The following SNTG1 variants were observed in gnomAD, a reference collection of about 807,000 sequenced individuals.
SNTG1 encodes gamma-1-syntrophin.
Under a neutral mutation model 74.7 loss-of-function variants are expected in SNTG1, and 39 were observed. The observed-to-expected ratio is 0.52, with a 90% confidence interval of 0.40 to 0.68. The LOEUF (loss-of-function observed/expected upper bound fraction) is 0.68, where lower values mean the gene tolerates loss of function less well. Among genes scored for constraint, SNTG1 ranks in the 30% least tolerant of loss-of-function variants. SNTG1 has a pLI of 0.00. For synonymous variants in SNTG1, 254 were observed against 217.1 expected (o/e 1.17, Z -1.49); for missense variants, 685 against 609.5 (o/e 1.12, Z -1.30).
intron 5 of SNTG1, 27 bp from the exon 6 acceptor site, chr8:50,449,641 G>A (rs567921571): frequency 1.3e-6 from 2 of 1,557,076 alleles, no homozygotes; most frequent in African/African-American, 2.7e-5. Flanking sequence ...AGATTAAAAA[G>A]TACAATATAT....
chr8:50,706,174 T>G (rs1273167059), intron 16 of SNTG1, among the ~76,000 whole-genome samples: 1 of 152,180 alleles, frequency 6.6e-6, no homozygotes, highest in Non-Finnish European at 1.5e-5. Context: ...AGTTGACTCT[T>G]TTCAATAACT....
At chr8:50,102,680 T>C (rs2131244434) in intron 1 of SNTG1, among the ~76,000 whole-genome samples, 1 of 150,756 alleles carries the variant, frequency 6.6e-6, no homozygotes, top group South Asian at 2.1e-4. Context: ...TTCTAGGGTT[T>C]TTATGGTTTT....
At chr8:50,433,418 A>G (rs1238878532) in intron 4 of SNTG1, among the ~76,000 whole-genome samples, 4 of 151,794 alleles carry the variant, frequency 2.6e-5, no homozygotes, top group African/African-American at 7.3e-5. Flanking sequence ...CTTATTCCCA[A>G]TCTTGCAGGG....
intron 1 of SNTG1, among the ~76,000 whole-genome samples, chr8:50,049,703 G>A (rs751513002): frequency 5.9e-5 from 9 of 151,898 alleles, no homozygotes; most frequent in Admixed American, 3.9e-4. Flanking sequence ...GACTACATTC[G>A]GGGCCATAAA....
At chr8:50,489,535 A>C (rs1033766482) in intron 8 of SNTG1, among the ~76,000 whole-genome samples, 7 of 152,164 alleles carry the variant, frequency 4.6e-5, no homozygotes, top group African/African-American at 1.7e-4. Context: ...AGTGATGATG[A>C]GCTTTTCTCA....
At chr8:50,642,505 A>G (rs960729778) in intron 13 of SNTG1, among the ~76,000 whole-genome samples, 2 of 151,790 alleles carry the variant, frequency 1.3e-5, no homozygotes, top group African/African-American at 2.4e-5. Flanking sequence ...ATTATCAACT[A>G]CTCTCTTCAA....
chr8:49,939,371 T>C (rs1373529470), intron 1 of SNTG1, among the ~76,000 whole-genome samples: 1 of 152,220 alleles, frequency 6.6e-6, no homozygotes, highest in East Asian at 1.9e-4. Flanking sequence ...TGCCAATAAA[T>C]AGTTTAATTG....
chr8:49,973,193 A>G (rs2129989409), intron 1 of SNTG1, among the ~76,000 whole-genome samples: 1 of 152,256 alleles, frequency 6.6e-6, no homozygotes, highest in South Asian at 2.1e-4. Flanking sequence ...CATAAAAAAG[A>G]TGAGTTCATG....
chr8:50,291,310 A>G (rs757052660), intron 2 of SNTG1, among the ~76,000 whole-genome samples: 6 of 151,986 alleles, frequency 3.9e-5, no homozygotes, highest in African/African-American at 7.3e-5. Context: ...GTGAAGAAAA[A>G]CAAAACAGGG....
chr8:50,357,020 A>G (rs2091835751), intron 2 of SNTG1, among the ~76,000 whole-genome samples: 1 of 152,146 alleles, frequency 6.6e-6, no homozygotes, highest in African/African-American at 2.4e-5. Context: ...GTTATATCCA[A>G]AATTGCCTTT....
At chr8:50,304,208 C>T (rs1266226603) in intron 2 of SNTG1, among the ~76,000 whole-genome samples, 1 of 152,104 alleles carries the variant, frequency 6.6e-6, no homozygotes, top group Admixed American at 6.6e-5. Flanking sequence ...TAGGTTTTGC[C>T]TCTATTTTCT....
In SNTG1 at chr8:50,794,800, T is replaced by C. The variant is rs1196307050; in HGVS notation, c.*1971T>C. ...TGGAAGGCAATATGACATGGGCTAA[T>C]TATCCATAAGCAAAAGAAAAACGTT... On this transcript the variant is annotated 3_prime_UTR_variant, in exon 19 of 19. Transcript: ENST00000642720. The C allele has an allele frequency of 6.6e-6, 1 of 152,030 alleles. No individual in the cohort carries two copies. Among genetic ancestry groups the C allele is most frequent in the African/African-American group, 2.4e-5 (1 of 41,446 alleles). 9.4% of individuals were successfully genotyped at this position (152,030 alleles called of 1,614,324 possible). A position where few individuals can be genotyped will look rare whatever the true frequency, so the allele number is the denominator to read the frequency against.
At chr8:50,521,012 G>A (rs1207855502) in intron 9 of SNTG1, among the ~76,000 whole-genome samples, 1 of 152,148 alleles carries the variant, frequency 6.6e-6, no homozygotes, top group African/African-American at 2.4e-5. Context: ...GCAAAGACAT[G>A]CAACCAACCC....
intron 5 of SNTG1, among the ~76,000 whole-genome samples, chr8:50,441,523 A>C (rs967169996): frequency 1.3e-5 from 2 of 152,192 alleles, no homozygotes; most frequent in Admixed American, 1.3e-4. Context: ...AAAATTCCTG[A>C]AATCCCAAAG....
chr8:50,646,692 G>T (rs1283446293), intron 13 of SNTG1, among the ~76,000 whole-genome samples: 1 of 152,100 alleles, frequency 6.6e-6, no homozygotes, highest in African/African-American at 2.4e-5. Flanking sequence ...TAATTATTAT[G>T]ATGTAGATAT....
intron 1 of SNTG1, among the ~76,000 whole-genome samples, chr8:50,098,627 A>G (rs2080015620): frequency 6.6e-6 from 1 of 152,152 alleles, no homozygotes; most frequent in South Asian, 2.1e-4. Context: ...GATCACTGTA[A>G]TGATTCTTAA....
Position 50,705,758 on chromosome 8 carries a change from C to A in SNTG1, c.1191+1006C>A, listed in dbSNP as rs542171190. On this transcript the variant is annotated intron_variant, in intron 16 of 18. Coordinates refer to ENST00000642720, the MANE Select transcript of SNTG1 (RefSeq NM_018967.5). The stretch of plus-strand genomic sequence containing the variant: ...TTTGTTTCTTAAGTGTGAAGTTATA[C>A]ACTAGATCAAACTTTATAGAGCCCT... 2.6e-5 allele frequency among the ~76,000 whole-genome samples: 4 copies of A among 152,226 alleles called. No individual in the cohort carries two copies. The East Asian group carries it at 7.7e-4, about 29-fold the overall frequency.
At chr8:50,052,172 G>A (rs1244609801) in intron 1 of SNTG1, among the ~76,000 whole-genome samples, 4 of 151,952 alleles carry the variant, frequency 2.6e-5, no homozygotes, top group African/African-American at 7.2e-5. Flanking sequence ...AAAGGATAGA[G>A]TAATCAGATA....
intron 18 of SNTG1, among the ~76,000 whole-genome samples, chr8:50,759,442 G>A (rs2095591266): frequency 6.6e-6 from 1 of 151,942 alleles, no homozygotes; most frequent in South Asian, 2.1e-4. Context: ...TATGGTTTTA[G>A]GTCTTTGTTT....
Sources: allele counts gnomAD v4.1 joint callset (sites outside exome capture counted in the v4.1 genomes callset), GRCh38; gene constraint gnomAD v4.1.1; transcripts MANE v1.5; gene names NCBI Gene and HGNC (gene_info 2026-07-23, HGNC 2026-07-21).